The following MAST4 variants were observed in gnomAD, a reference collection of about 807,000 sequenced individuals.
MAST4 encodes the protein microtubule associated serine/threonine kinase family member 4, also known as microtubule-associated serine/threonine-protein kinase 4.
In MAST4, 89 loss-of-function variants were observed where a neutral mutation model predicts 162.7. That is an observed-to-expected ratio of 0.55 (90% CI 0.46 to 0.65). MAST4 has a LOEUF of 0.65. Among genes scored for constraint, MAST4 ranks in the 30% least tolerant of loss-of-function variants. The pLI is 0.00. For synonymous variants in MAST4, 1,479 were observed against 1,361.1 expected, an observed-to-expected ratio of 1.09 and a Z score of -1.91; for missense variants, 3,153 against 3,374.0, an observed-to-expected ratio of 0.93 and a Z score of 1.62.
chr5:67,131,992 A>G, intron 16 of MAST4, 41 bp downstream of exon 16: 2 of 1,587,258 alleles, frequency 1.3e-6, no homozygotes, highest in Non-Finnish European at 8.6e-7. Flanking sequence ...TTTGCCCAAT[A>G]CAAAGTTCTC....
intron 2 of MAST4, among the ~76,000 whole-genome samples, chr5:66,767,113 C>T (rs1038340635): frequency 8.6e-5 from 13 of 151,110 alleles, no homozygotes; most frequent in East Asian, 3.9e-4. Context: ...TGCTAATTTC[C>T]GTTCCTATTC....
At chr5:66,627,938 A>G (rs1283687326) in intron 1 of MAST4, among the ~76,000 whole-genome samples, 2 of 151,530 alleles carry the variant, frequency 1.3e-5, no homozygotes, top group African/African-American at 4.9e-5. Flanking sequence ...TCTGCCCCCC[A>G]CCCCACCCCT....
Position 66,780,794 on chromosome 5 carries a change from A to T in MAST4, c.518-7876A>T, listed in dbSNP as rs377467036. Among the ~76,000 whole-genome samples, 332 of 152,188 alleles carry T rather than the reference A, an allele frequency of 2.2e-3. 1 individual carries two copies. Among genetic ancestry groups the T allele is most frequent in the African/African-American group, 7.3e-3 (305 of 41,524 alleles). On this transcript the variant is annotated intron_variant, in intron 2 of 28. Transcript: ENST00000403625. ...GGTGCGTTTACAGTCCTTTAGCTAG[A>T]CCCAGAGTGCTGATTGATGCATTTT...
At chr5:67,078,913 T>TAAATAAATAAATAA (rs1184932403) in intron 5 of MAST4, among the ~76,000 whole-genome samples, 5 of 62,840 alleles carry the variant, frequency 8.0e-5, no homozygotes, top group African/African-American at 3.6e-4. Flanking sequence ...TTTATATAAA[T>TAAATAAATAAATAA]ATATATATAT....
intron 1 of MAST4, among the ~76,000 whole-genome samples, chr5:66,735,030 T>C (rs369021771): frequency 6.6e-6 from 1 of 152,232 alleles, no homozygotes; most frequent in East Asian, 1.9e-4. Context: ...ATTTCATTTT[T>C]ATATTTTTTA....
intron 1 of MAST4, among the ~76,000 whole-genome samples, chr5:66,658,450 A>G (rs949334315): frequency 6.6e-6 from 1 of 152,226 alleles, no homozygotes; most frequent in Non-Finnish European, 1.5e-5. Context: ...TTTTAAATCA[A>G]TATCAAATTA....
chr5:67,143,509 C>T (rs1399474566), intron 21 of MAST4, among the ~76,000 whole-genome samples: 1 of 152,182 alleles, frequency 6.6e-6, no homozygotes, highest in African/African-American at 2.4e-5. Context: ...ACCCTACCTC[C>T]CTTTTGCTAT....
intron 4 of MAST4, among the ~76,000 whole-genome samples, chr5:67,046,308 A>G (rs1274210530): frequency 2.0e-5 from 3 of 152,180 alleles, no homozygotes; most frequent in Admixed American, 6.5e-5. Flanking sequence ...GGGAAGTCCT[A>G]TGAAATGGAT....
intron 2 of MAST4, 103 bp from the exon 3 acceptor site, chr5:66,788,566 AG>A: frequency 7.4e-7 from 1 of 1,357,920 alleles, no homozygotes; most frequent in Non-Finnish European, 1.0e-6. Context: ...GAAGTAATAC[AG>A]AACAAGGTTG....
intron 4 of MAST4, among the ~76,000 whole-genome samples, chr5:66,951,669 T>C (rs1744723355): frequency 6.7e-6 from 1 of 148,520 alleles, no homozygotes; most frequent in Non-Finnish European, 1.5e-5. Context: ...TTCCCACTGA[T>C]GAACCAATGA....
chr5:66,648,692 C>G (rs1580099181), intron 1 of MAST4, among the ~76,000 whole-genome samples: 1 of 152,184 alleles, frequency 6.6e-6, no homozygotes, highest in Middle Eastern at 3.4e-3. Flanking sequence ...AAATGAAAGC[C>G]TTGTCAAATA....
chr5:67,169,302 G>A lies in MAST4; in HGVS notation c.*2251G>A, dbSNP rs1408331945. ...AAATGAGTAAAGAGTACTTAAGGTT[G>A]CATTCATGTATTACATGTTTGTTGT... On this transcript the variant is annotated 3_prime_UTR_variant, in exon 29 of 29. Coordinates refer to ENST00000403625, the MANE Select transcript of MAST4 (RefSeq NM_001164664.2). The A allele has an allele frequency of 6.6e-6, 1 of 152,194 alleles. No individual in the cohort carries two copies. Among genetic ancestry groups the A allele is most frequent in the Admixed American group, 6.5e-5 (1 of 15,286 alleles). 9.4% of individuals were successfully genotyped at this position (152,194 alleles called of 1,614,324 possible).
intron 3 of MAST4, among the ~76,000 whole-genome samples, chr5:66,864,640 T>C (rs1760362301): frequency 8.0e-6 from 1 of 125,520 alleles, no homozygotes; most frequent in South Asian, 2.5e-4. Flanking sequence ...TGGGTTGAAT[T>C]ATGTCCCCCC....
chr5:66,614,112 T>G (rs1164104111), intron 1 of MAST4, among the ~76,000 whole-genome samples: 1 of 152,232 alleles, frequency 6.6e-6, no homozygotes, highest in African/African-American at 2.4e-5. Context: ...GTTCAGCTTT[T>G]ATAATGAACA....
At chr5:67,152,020 GGCCTCTC>G (rs1771893372) in intron 24 of MAST4, among the ~76,000 whole-genome samples, 1 of 151,944 alleles carries the variant, frequency 6.6e-6, no homozygotes, top group Non-Finnish European at 1.5e-5. Flanking sequence ...AGCCTACCTT[GGCCTCTC>G]AAAAGTGCTG....
chr5:66,944,293 C>T (rs1009256651), intron 4 of MAST4, among the ~76,000 whole-genome samples: 5 of 152,232 alleles, frequency 3.3e-5, no homozygotes, highest in African/African-American at 1.2e-4. Flanking sequence ...CTTCAAAGGT[C>T]ACCATCTTCT....
chr5:66,782,934 A>G (rs559836031), intron 2 of MAST4, among the ~76,000 whole-genome samples: 6 of 152,256 alleles, frequency 3.9e-5, no homozygotes, highest in African/African-American at 7.2e-5. Flanking sequence ...GAATTTATAT[A>G]AAGTTTGATG....
At chr5:66,847,703 C>A (rs1758960409) in intron 3 of MAST4, among the ~76,000 whole-genome samples, 2 of 150,546 alleles carry the variant, frequency 1.3e-5, no homozygotes, top group South Asian at 2.1e-4. Context: ...AGCCTGTAAT[C>A]CCAGCTACTT....
chr5:66,697,477 TGAA>T (rs542002395), intron 1 of MAST4, among the ~76,000 whole-genome samples: 58 of 152,354 alleles, frequency 3.8e-4, no homozygotes, highest in African/African-American at 1.3e-3. Context: ...AGGGTAGTGT[TGAA>T]GAATTTCCAC....
Sources: allele counts gnomAD v4.1 joint callset (sites outside exome capture counted in the v4.1 genomes callset), GRCh38; gene constraint gnomAD v4.1.1; transcripts MANE v1.5; gene names NCBI Gene and HGNC (gene_info 2026-07-23, HGNC 2026-07-21).